Variants in PNLIPRP1 observed in about 807,000 individuals in gnomAD.
PNLIPRP1 encodes the protein pancreatic lipase related protein 1.
PNLIPRP1 carries 57 observed loss-of-function variants against 54.6 expected under a neutral mutation model. The observed-to-expected ratio is 1.04, with a 90% CI of 0.84 to 1.30. PNLIPRP1 has a LOEUF of 1.30. PNLIPRP1 is among the 50% of genes most tolerant of loss of function. The pLI is 0.00. For missense variants in PNLIPRP1, 567 were observed against 568.5 expected (o/e 1.00, Z 0.03); for synonymous variants, 232 against 208.8 (o/e 1.11, Z -0.96).
At chr10:116,600,257 C>A in intron 9 of PNLIPRP1, 92 bp downstream of exon 9, 2 of 818,184 alleles carry the variant, frequency 2.4e-6, no homozygotes, top group Non-Finnish European at 4.2e-6. Context: ...CTTCTCACTA[C>A]ACGTTTTGCA....
At chr10:116,593,981 A>G (rs1281353376) in intron 4 of PNLIPRP1, 7 of 167,952 alleles carry the variant, frequency 4.2e-5, no homozygotes, top group Admixed American at 1.9e-4. Flanking sequence ...AAAGAAAGAA[A>G]AAAAGAAAAG....
Position 116,594,836 on chromosome 10 carries a change from A to T in PNLIPRP1, c.437A>T (p.Gln146Leu). ...AANNVRVVGA[Q>L]VAQMLDILLT... ...AACAACGTGCGAGTGGTGGGCGCCC[A>T]GGTGGCCCAGATGCTCGACATCCTC... The change falls in exon 5 of 13, where the codon CAG becomes CTG. Residue 146 changes from glutamine (Q) to leucine (L), a missense_variant. Transcript: ENST00000358834. The T allele has an allele frequency of 1.9e-6, 3 of 1,614,070 alleles. No individual in the cohort carries two copies. The highest frequency in any genetic ancestry group is 2.5e-6 in the Non-Finnish European group (3 of 1,180,024).
rs1367703043 is a variant in PNLIPRP1 at position 116,590,977 on chromosome 10, A to G, written c.-19A>G. On this transcript the variant is annotated 5_prime_UTR_variant, in exon 1 of 13. Coordinates refer to ENST00000358834, the MANE Select transcript of PNLIPRP1 (RefSeq NM_006229.4). The stretch of plus-strand genomic sequence containing the variant: ...GACACTCGATCCGGTGGGAGGGAAC[A>G]TCTGGAACATTAGACAGGGTAAGCC... 4.9e-6 allele frequency: 3 copies of G among 608,198 alleles called. No homozygotes were observed. The highest frequency in any genetic ancestry group is 4.0e-4 in the Middle Eastern group (1 of 2,494). 37.7% of individuals were successfully genotyped at this position (608,198 alleles called of 1,614,324 possible).
chr10:116,594,122 T>C lies in PNLIPRP1; in HGVS notation c.331-608T>C, dbSNP rs568639287. Among the ~76,000 whole-genome samples, 24 of 152,290 alleles carry C rather than the reference T, an allele frequency of 1.6e-4. No homozygotes were observed. In the East Asian group the frequency reaches 4.6e-3, roughly 29 times the overall value. On this transcript the variant is annotated intron_variant, in intron 4 of 12. Transcript: ENST00000358834. ...TACCATTTTAAATTCAAGCTGGTAA[T>C]ATGTACTGCCTGGCAGAACTCCTAA... is the stretch of plus-strand genomic sequence containing the variant.
At chr10:116,607,768 C>T (rs1270242098) in intron 12 of PNLIPRP1, among the ~76,000 whole-genome samples, 1 of 152,216 alleles carries the variant, frequency 6.6e-6, no homozygotes, top group African/African-American at 2.4e-5. Flanking sequence ...AAAATAACTG[C>T]TTACATCTGC....
chr10:116,605,884 A>C (rs1192304473), intron 12 of PNLIPRP1, among the ~76,000 whole-genome samples: 1 of 152,246 alleles, frequency 6.6e-6, no homozygotes, highest in African/African-American at 2.4e-5. Flanking sequence ...GCTATACTTG[A>C]AAGAGGAGAA....
At chr10:116,599,255 CG>C (rs1564737763) in intron 8 of PNLIPRP1, among the ~76,000 whole-genome samples, 4 of 61,184 alleles carry the variant, frequency 6.5e-5, no homozygotes, top group Non-Finnish European at 1.1e-4. Flanking sequence ...AACTCCATCT[CG>C]AAAATAAAAT....
intron 6 of PNLIPRP1, 76 bp from the exon 7 acceptor site, chr10:116,597,752 G>A (rs560267336): frequency 3.3e-5 from 52 of 1,566,790 alleles, no homozygotes; most frequent in Middle Eastern, 1.7e-4. Flanking sequence ...TGCATAGCCC[G>A]GGCAGCTGTA....
chr10:116,594,391 C>T (rs543325248), intron 4 of PNLIPRP1: 22 of 513,286 alleles, frequency 4.3e-5, no homozygotes, highest in Non-Finnish European at 6.1e-5. Context: ...CACTGGCCAC[C>T]GGAGATTGCA....
rs1847641341 is a variant in PNLIPRP1, at chr10:116,591,754, T to C, written c.50-17T>C. 1 of 1,613,722 alleles carries C rather than the reference T, an allele frequency of 6.2e-7. No homozygotes were observed. The highest frequency in any genetic ancestry group is 8.5e-7 in the Non-Finnish European group (1 of 1,179,826). ...CTTGAGAGCAAATCCTTGAGCAGATTCAACCTTTCTCTGTAGGAAAAGAAG... is the reference window on the plus strand; with the variant it reads ...CTTGAGAGCAAATCCTTGAGCAGATCCAACCTTTCTCTGTAGGAAAAGAAG... On this transcript the variant is annotated splice_polypyrimidine_tract_variant and intron_variant, in intron 2 of 12. Coordinates refer to ENST00000358834, the MANE Select transcript of PNLIPRP1 (RefSeq NM_006229.4).
At position 116,594,867 on chromosome 10, in the gene PNLIPRP1, G is replaced by A; in HGVS notation, c.465+3G>A. 1 of 1,613,758 alleles carries A rather than the reference G, an allele frequency of 6.2e-7. No homozygotes were observed. On this transcript the variant is annotated splice_donor_region_variant and intron_variant, in intron 5 of 12. Transcript: ENST00000358834. The stretch of plus-strand genomic sequence containing the variant: ...CCCAGATGCTCGACATCCTCTTGGT[G>A]AGTCAGCTGGCTGGCCTATGTGAGG...
intron 4 of PNLIPRP1, 65 bp from the exon 5 acceptor site, chr10:116,594,665 C>T (rs1847702112): frequency 1.3e-6 from 2 of 1,587,788 alleles, no homozygotes; most frequent in Admixed American, 3.3e-5. Flanking sequence ...ATTTCTGAGC[C>T]CTGGCTGGAT....
At chr10:116,603,238 G>A (rs1453360108) in intron 10 of PNLIPRP1, among the ~76,000 whole-genome samples, 5 of 152,106 alleles carry the variant, frequency 3.3e-5, no homozygotes, top group African/African-American at 1.2e-4. Flanking sequence ...CCGCCCTCGA[G>A]GTGCTTGCCA....
chr10:116,602,845 A>G (rs1454169733), intron 10 of PNLIPRP1, among the ~76,000 whole-genome samples: 4 of 152,158 alleles, frequency 2.6e-5, no homozygotes, highest in Admixed American at 6.5e-5. Flanking sequence ...GTGCATGTGT[A>G]TGTATATTTG....
chr10:116,597,349 A>T (rs2133232364), intron 6 of PNLIPRP1, among the ~76,000 whole-genome samples: 1 of 152,334 alleles, frequency 6.6e-6, no homozygotes, highest in East Asian at 1.9e-4. Flanking sequence ...TTGTAAAATG[A>T]AGAACCTGAA....
Position 116,596,251 on chromosome 10 carries a change from T to TTG in PNLIPRP1, c.504_505dup (p.Gly169ValfsTer20). The stretch of plus-strand genomic sequence containing the variant: ...TACCCCCCTTCCAAAGTTCACCTCA[T>TTG]TGGCCACAGCCTGGGAGCCCACGTG... On this transcript the variant is annotated frameshift_variant, in exon 6 of 13. Transcript: ENST00000358834. LOFTEE classifies it high-confidence loss of function. 1 of 1,614,006 alleles carries TTG rather than the reference T, an allele frequency of 6.2e-7. No homozygotes were observed. Among genetic ancestry groups the TTG allele is most frequent in the Non-Finnish European group, 8.5e-7 (1 of 1,179,846 alleles).
intron 5 of PNLIPRP1, 145 bp from the exon 6 acceptor site, chr10:116,596,069 G>A (rs1328527535): frequency 3.2e-5 from 21 of 663,764 alleles, no homozygotes; most frequent in Non-Finnish European, 5.5e-5. Context: ...GGAAAGCTCG[G>A]AGGCCTTCAG....
chr10:116,600,367 G>A (rs1293525901), intron 9 of PNLIPRP1: 1 of 469,660 alleles, frequency 2.1e-6, no homozygotes, highest in Non-Finnish European at 3.8e-6. Flanking sequence ...TGAGTTATGT[G>A]GCAGAGGAAA....
Position 116,591,937 on chromosome 10 carries a change from G to T in PNLIPRP1, c.204+12G>T, listed in dbSNP as rs375730138. 1 of 1,613,738 alleles carries T rather than the reference G, an allele frequency of 6.2e-7. No individual in the cohort carries two copies. The highest frequency in any genetic ancestry group is 1.7e-5 in the Admixed American group (1 of 59,972). On this transcript the variant is annotated intron_variant, in intron 3 of 12. Coordinates refer to ENST00000358834, the MANE Select transcript of PNLIPRP1 (RefSeq NM_006229.4). ...CAAACAACTTTCAAGTGAGACCTCT[G>T]TCATTTAAATGTCACTGTAACTGGC...
Sources: gnomAD v4.1 joint callset for allele counts (sites outside exome capture counted in the v4.1 genomes callset) on GRCh38, gnomAD v4.1.1 for gene constraint, MANE v1.5 for transcripts, NCBI Gene and HGNC (gene_info 2026-07-23, HGNC 2026-07-21) for gene names.